The following OLFML1 variants were observed in gnomAD, a reference collection of about 807,000 sequenced individuals.
OLFML1 encodes olfactomedin like 1, also known as olfactomedin-like protein 1.
OLFML1 carries 33 observed loss-of-function variants against 37.3 expected under a neutral mutation model. The ratio of observed to expected loss-of-function variants is 0.88; its 90% CI spans 0.67 to 1.18. The LOEUF (loss-of-function observed/expected upper bound fraction) is 1.18. Among genes scored for constraint, OLFML1 ranks in the 50% most tolerant of loss-of-function variants. The pLI, the probability that OLFML1 is intolerant of heterozygous loss-of-function variation, is 0.00. For missense variants in OLFML1, 545 were observed against 483.7 expected, an observed-to-expected ratio of 1.13 and a Z score of -1.19; for synonymous variants, 186 against 181.3, an observed-to-expected ratio of 1.03 and a Z score of -0.21.
At chr11:7,506,569 A>C (rs1268383604) in intron 2 of OLFML1, among the ~76,000 whole-genome samples, 1 of 152,284 alleles carries the variant, frequency 6.6e-6, no homozygotes, top group South Asian at 2.1e-4. Flanking sequence ...TGGGCTAACC[A>C]TGAAGACCAG....
Position 7,509,741 on chromosome 11 carries a change from A to T in OLFML1, c.762A>T (p.Gly254=). ...TGGAAGATCGAATGCTGCTCCCAGG[A>T]GGGGTAGGCCGAGCATTGGTTTACC... The part of the protein sequence containing the change: ...RTVEDRMLLP[G]GVGRALVYQH... Residue 254 remains glycine (G), a synonymous_variant, in exon 3 of 3, where the codon GGA becomes GGT. Coordinates refer to ENST00000329293, the MANE Select transcript of OLFML1 (RefSeq NM_198474.4). 6.2e-7 allele frequency: 1 copy of T among 1,614,238 alleles called. No homozygotes were observed.
At chr11:7,496,367 T>G (rs1338564448) in intron 2 of OLFML1, among the ~76,000 whole-genome samples, 1 of 152,220 alleles carries the variant, frequency 6.6e-6, no homozygotes, top group Non-Finnish European at 1.5e-5. Flanking sequence ...TCAATGCTCA[T>G]GGAAACAGGC....
chr11:7,488,212 G>T lies in OLFML1; in HGVS notation c.215G>T (p.Gly72Val). ...EFSKNISVML[G>V]RCQTYTSEYK... ...TCAAAAAATATATCTGTCATGCTGGGAAGATGTCAGACCTACACAAGTGAG... is the reference window on the plus strand; with the variant it reads ...TCAAAAAATATATCTGTCATGCTGGTAAGATGTCAGACCTACACAAGTGAG... The change falls in exon 2 of 3, where the codon GGA becomes GTA. Residue 72 changes from glycine (G) to valine (V), a missense_variant. By Grantham distance (109) the Gly-to-Val change is moderately radical. Coordinates refer to ENST00000329293, the MANE Select transcript of OLFML1 (RefSeq NM_198474.4). 1 of 1,613,440 alleles carries T rather than the reference G, an allele frequency of 6.2e-7. No homozygotes were observed. Among genetic ancestry groups the T allele is most frequent in the East Asian group, 2.2e-5 (1 of 44,840 alleles).
rs1848734691 is a variant in OLFML1 at position 7,502,484 on chromosome 11, T to C, written c.419-6914T>C. ...AATCAGGGAGACAAAGTAGAGACTA[T>C]TGCAGTGGTCTGGGCAAAAAGTGAT... On this transcript the variant is annotated intron_variant, in intron 2 of 2. Transcript: ENST00000329293. 2.0e-5 allele frequency among the ~76,000 whole-genome samples: 3 copies of C among 152,198 alleles called. No individual in the cohort carries two copies. The South Asian group carries it at 6.2e-4, about 32-fold the overall frequency.
intron 2 of OLFML1, 105 bp downstream of exon 2, chr11:7,488,520 T>C (rs78522704): frequency 0.059 from 52,829 of 902,284 alleles, 1,971 homozygotes; most frequent in Non-Finnish European, 0.073. Context: ...AGAGTAAGAA[T>C]TGGAGGTGTG....
chr11:7,507,691 G>A (rs147733836), intron 2 of OLFML1, among the ~76,000 whole-genome samples: 193 of 152,054 alleles, frequency 1.3e-3, no homozygotes, highest in East Asian at 4.8e-3. Flanking sequence ...TGGGACTACC[G>A]GCATGTGCTA....
At chr11:7,487,684 T>G (rs984433525) in intron 1 of OLFML1, among the ~76,000 whole-genome samples, 1 of 151,908 alleles carries the variant, frequency 6.6e-6, no homozygotes, top group African/African-American at 2.4e-5. Context: ...AATAAAAAGT[T>G]TTTTTCTCAG....
At chr11:7,504,082 T>A (rs987788497) in intron 2 of OLFML1, among the ~76,000 whole-genome samples, 10 of 151,220 alleles carry the variant, frequency 6.6e-5, no homozygotes, top group African/African-American at 2.4e-4. Flanking sequence ...GGTAAAGGAG[T>A]CCCTGGAGAG....
intron 2 of OLFML1, among the ~76,000 whole-genome samples, chr11:7,505,642 G>T (rs1205187053): frequency 3.3e-5 from 5 of 152,142 alleles, no homozygotes; most frequent in African/African-American, 1.2e-4. Context: ...ACTAGCCTGG[G>T]CAACATAGTA....
At chr11:7,505,269 A>T (rs1184256385) in intron 2 of OLFML1, among the ~76,000 whole-genome samples, 1 of 151,936 alleles carries the variant, frequency 6.6e-6, no homozygotes, top group Non-Finnish European at 1.5e-5. Context: ...CTTTCAAAGG[A>T]TTTGAAGGAG....
chr11:7,508,935 G>A (rs968662122), intron 2 of OLFML1, among the ~76,000 whole-genome samples: 25 of 152,172 alleles, frequency 1.6e-4, no homozygotes, highest in South Asian at 8.3e-4. Flanking sequence ...GAGTGAACAC[G>A]GTCTCTGAAA....
In OLFML1 at chr11:7,509,863, C is replaced by T; in HGVS notation, c.884C>T (p.Thr295Ile). ...GGCACCCATAGCCATTTGGTTCTCA[C>T]AAAGATTGAGCCGGGCACACTGGGA... ...GPGTHSHLVL[T>I]KIEPGTLGVE... The change falls in exon 3 of 3, where the codon ACA becomes ATA. Residue 295 changes from threonine to isoleucine, a missense_variant. Transcript: ENST00000329293. 6 of 1,614,238 alleles carry T rather than the reference C, an allele frequency of 3.7e-6. No individual in the cohort carries two copies. Among genetic ancestry groups the T allele is most frequent in the Non-Finnish European group, 5.1e-6 (6 of 1,180,046 alleles).
chr11:7,493,113 A>G (rs1848619259), intron 2 of OLFML1, among the ~76,000 whole-genome samples: 1 of 152,200 alleles, frequency 6.6e-6, no homozygotes. Context: ...ATTATAGCAG[A>G]TTTTATTTTA....
intron 2 of OLFML1, among the ~76,000 whole-genome samples, chr11:7,498,964 C>T (rs903641620): frequency 1.3e-5 from 2 of 152,182 alleles, no homozygotes; most frequent in Non-Finnish European, 2.9e-5. Flanking sequence ...TTCCCTCTGT[C>T]CTTCCCCATC....
chr11:7,490,132 T>TGG (rs373866404), intron 2 of OLFML1, among the ~76,000 whole-genome samples: 465 of 37,950 alleles, frequency 0.012, no homozygotes, highest in East Asian at 0.057. Flanking sequence ...TAGGCTTTGG[T>TGG]GGGGGGGGGG....
At chr11:7,490,568 G>T (rs1848583238) in intron 2 of OLFML1, among the ~76,000 whole-genome samples, 1 of 152,156 alleles carries the variant, frequency 6.6e-6, no homozygotes, top group South Asian at 2.1e-4. Context: ...GACTGGACTT[G>T]CTTTTTCAAC....
In OLFML1 at chr11:7,509,833, G is replaced by C. The variant is rs770306232; in HGVS notation, c.854G>C (p.Gly285Ala). The part of the protein sequence containing the change: ...DEHGLWAIHS[G>A]PGTHSHLVLT... ...CATGGGCTCTGGGCCATCCACTCTG[G>C]GCCAGGCACCCATAGCCATTTGGTT... Residue 285 changes from glycine (G) to alanine (A), a missense_variant, in exon 3 of 3, where the codon GGG (glycine) becomes GCG (alanine). Transcript: ENST00000329293. The C allele has an allele frequency of 1.9e-6, 3 of 1,614,182 alleles. No homozygotes were observed. Among genetic ancestry groups the C allele is most frequent in the Non-Finnish European group, 2.5e-6 (3 of 1,180,010 alleles).
Position 7,509,548 on chromosome 11 carries a change from C to T in OLFML1, c.569C>T (p.Ala190Val), listed in dbSNP as rs1438505494. The change falls in exon 3 of 3, where the codon GCA becomes GTA. Residue 190 changes from alanine (A) to valine (V), a missense_variant. Ala to Val is a moderately conservative substitution (Grantham distance 64). Coordinates refer to ENST00000329293, the MANE Select transcript of OLFML1 (RefSeq NM_198474.4). The stretch of plus-strand genomic sequence containing the variant: ...AGAAACAACACTGTTTGGGAATTTG[C>T]AAACATACGGGCATTCATGGAGGAT... ...GSRNNTVWEF[A>V]NIRAFMEDNT... is the part of the protein sequence containing the mutation. 2.5e-6 allele frequency: 4 copies of T among 1,614,182 alleles called. No homozygotes were observed. Among genetic ancestry groups the T allele is most frequent in the Non-Finnish European group, 3.4e-6 (4 of 1,180,026 alleles).
intron 2 of OLFML1, among the ~76,000 whole-genome samples, chr11:7,490,399 T>C (rs1357456911): frequency 6.6e-6 from 1 of 152,174 alleles, no homozygotes; most frequent in Non-Finnish European, 1.5e-5. Flanking sequence ...AGCTAGAATG[T>C]GTCCGAACTC....
Sources: gnomAD v4.1 joint callset for allele counts (sites outside exome capture counted in the v4.1 genomes callset) on GRCh38, gnomAD v4.1.1 for gene constraint, MANE v1.5 for transcripts, NCBI Gene and HGNC (gene_info 2026-07-23, HGNC 2026-07-21) for gene names.